The following DIAPH3 variants were observed in gnomAD, a reference collection of about 807,000 sequenced individuals.
The protein encoded by DIAPH3 is diaphanous related formin 3, also known as protein diaphanous homolog 3.
In DIAPH3, 117 loss-of-function variants were observed where a neutral mutation model predicts 144.3. The observed-to-expected ratio is 0.81, with a 90% CI of 0.70 to 0.95. DIAPH3 has a LOEUF of 0.95. Among genes scored for constraint, DIAPH3 ranks in the 40% least tolerant of loss-of-function variants. The pLI is 0.00. For missense variants in DIAPH3, 1,421 were observed against 1,412.7 expected, an observed-to-expected ratio of 1.01 and a Z score of -0.09; for synonymous variants, 519 against 488.9, an observed-to-expected ratio of 1.06 and a Z score of -0.81.
chr13:60,115,458 T>G (rs1235693707), intron 2 of DIAPH3, among the ~76,000 whole-genome samples: 1 of 152,210 alleles, frequency 6.6e-6, no homozygotes, highest in Non-Finnish European at 1.5e-5. Flanking sequence ...TCAGGTGACA[T>G]TTTAAGTAGA....
intron 17 of DIAPH3, among the ~76,000 whole-genome samples, chr13:59,928,902 G>T (rs774996006): frequency 1.3e-5 from 2 of 152,170 alleles, no homozygotes; most frequent in Non-Finnish European, 2.9e-5. Context: ...TAACAGTCAG[G>T]TGGCACATGT....
intron 27 of DIAPH3, among the ~76,000 whole-genome samples, chr13:59,713,238 G>GTTT (rs143626961): frequency 3.6e-5 from 5 of 140,840 alleles, no homozygotes; most frequent in Non-Finnish European, 6.3e-5. Context: ...TAATCTGAAG[G>GTTT]TTTTTTTTTT....
intron 17 of DIAPH3, among the ~76,000 whole-genome samples, chr13:59,963,648 AG>A (rs2049892511): frequency 6.9e-6 from 1 of 145,374 alleles, no homozygotes; most frequent in South Asian, 2.4e-4. Context: ...GGGGAGGGGA[AG>A]GGGGAGAACA....
At chr13:59,713,465 T>G (rs927951802) in intron 27 of DIAPH3, among the ~76,000 whole-genome samples, 2 of 152,188 alleles carry the variant, frequency 1.3e-5, no homozygotes, top group African/African-American at 2.4e-5. Context: ...CACTGAGGAC[T>G]GACATTATGC....
rs909588106 is a variant in DIAPH3, at chr13:60,112,034, G to C, written c.366C>G (p.Leu122=). 2 of 1,613,934 alleles carry C rather than the reference G, an allele frequency of 1.2e-6. No individual in the cohort carries two copies. Among genetic ancestry groups the C allele is most frequent in the Non-Finnish European group, 1.7e-6 (2 of 1,179,982 alleles). ...NFPKPLSENE[L]LELFEKMMED... ...CCATCATTTTTTCAAAAAGTTCTAAGAGTTCATTCTCTGACAGTGGCTTTG... is the reference window on the plus strand; with the variant it reads ...CCATCATTTTTTCAAAAAGTTCTAACAGTTCATTCTCTGACAGTGGCTTTG... The change falls in exon 3 of 28, where the codon CTC becomes CTG. Residue 122 remains leucine (L), a synonymous_variant. Coordinates refer to ENST00000400324, the MANE Select transcript of DIAPH3 (RefSeq NM_001042517.2).
At chr13:59,827,142 A>G (rs2041481872) in intron 24 of DIAPH3, among the ~76,000 whole-genome samples, 1 of 152,140 alleles carries the variant, frequency 6.6e-6, no homozygotes, top group Non-Finnish European at 1.5e-5. Context: ...CATGTCTAAA[A>G]CACCAAAAGC....
At chr13:59,993,421 A>T (rs1356108576) in intron 9 of DIAPH3, among the ~76,000 whole-genome samples, 1 of 151,738 alleles carries the variant, frequency 6.6e-6, no homozygotes, top group East Asian at 1.9e-4. Flanking sequence ...AAGTCTAGCA[A>T]GAACTACTGG....
intron 27 of DIAPH3, among the ~76,000 whole-genome samples, chr13:59,766,536 T>G (rs1170631902): frequency 6.6e-6 from 1 of 152,160 alleles, no homozygotes; most frequent in Non-Finnish European, 1.5e-5. Flanking sequence ...TGTTCAAACA[T>G]CCTTCCTTTG....
chr13:59,917,955 G>A (rs190155648), intron 18 of DIAPH3, among the ~76,000 whole-genome samples: 2 of 142,218 alleles, frequency 1.4e-5, no homozygotes, highest in Admixed American at 1.4e-4. Context: ...AGACAACTCC[G>A]TAGTAGACAA....
At chr13:59,781,409 G>T (rs2038729992) in intron 25 of DIAPH3, among the ~76,000 whole-genome samples, 1 of 152,130 alleles carries the variant, frequency 6.6e-6, no homozygotes, top group Non-Finnish European at 1.5e-5. Flanking sequence ...ATGTGCTTTT[G>T]CAAAACCAAA....
intron 27 of DIAPH3, among the ~76,000 whole-genome samples, chr13:59,674,376 C>T (rs1261833029): frequency 6.6e-6 from 1 of 152,142 alleles, no homozygotes; most frequent in Admixed American, 6.5e-5. Context: ...GAGCCAGAGA[C>T]AGAACTAAGT....
chr13:59,675,725 C>G (rs922791528), intron 27 of DIAPH3, among the ~76,000 whole-genome samples: 1 of 152,156 alleles, frequency 6.6e-6, no homozygotes, highest in African/African-American at 2.4e-5. Context: ...TAGAGAAGTC[C>G]ATGAACTGCC....
chr13:59,695,945 A>G (rs578052062), intron 27 of DIAPH3: 1 of 152,348 alleles, frequency 6.6e-6, no homozygotes, highest in South Asian at 2.1e-4. Context: ...TAATGTGGTC[A>G]TCTTTAAAAA....
chr13:60,159,781 T>C (rs1156895945), intron 1 of DIAPH3, among the ~76,000 whole-genome samples: 2 of 152,204 alleles, frequency 1.3e-5, no homozygotes, highest in East Asian at 1.9e-4. Context: ...TTAATAATAC[T>C]ACCTACCTCA....
At chr13:59,969,482 C>A (rs1251714241) in intron 17 of DIAPH3, among the ~76,000 whole-genome samples, 1 of 151,976 alleles carries the variant, frequency 6.6e-6, no homozygotes, top group Non-Finnish European at 1.5e-5. Flanking sequence ...TTTGCTGCAC[C>A]CATCAACCCG....
At chr13:60,008,250 G>T (rs1222902308) in intron 9 of DIAPH3, among the ~76,000 whole-genome samples, 3 of 152,022 alleles carry the variant, frequency 2.0e-5, no homozygotes, top group African/African-American at 7.3e-5. Flanking sequence ...AAAAAAATTA[G>T]CTGGGCATGG....
intron 18 of DIAPH3, among the ~76,000 whole-genome samples, chr13:59,923,593 G>A (rs1416930796): frequency 2.6e-5 from 4 of 152,072 alleles, no homozygotes; most frequent in Non-Finnish European, 5.9e-5. Flanking sequence ...GGTGCCAGGG[G>A]GAGCTTCTTC....
intron 20 of DIAPH3, among the ~76,000 whole-genome samples, chr13:59,895,444 C>CA (rs149290420): frequency 0.12 from 15,495 of 127,848 alleles, 1,482 homozygotes; most frequent in African/African-American, 0.3. Context: ...AAAAAAAAAA[C>CA]AAAAAAAAAA....
intron 20 of DIAPH3, among the ~76,000 whole-genome samples, chr13:59,883,775 T>C (rs184101985): frequency 7.2e-6 from 1 of 139,518 alleles, no homozygotes; most frequent in East Asian, 2.3e-4. Context: ...GAACTCAAGC[T>C]TCCTCTGCTA....
Sources: allele counts gnomAD v4.1 joint callset (sites outside exome capture counted in the v4.1 genomes callset), GRCh38; gene constraint gnomAD v4.1.1; transcripts MANE v1.5; gene names NCBI Gene and HGNC (gene_info 2026-07-23, HGNC 2026-07-21).